The following TCF7L1 variants were observed in gnomAD, a reference collection of about 807,000 sequenced individuals.
TCF7L1 encodes transcription factor 7 like 1.
Under a neutral mutation model 63.7 loss-of-function variants are expected in TCF7L1, and 18 were observed. The observed-to-expected ratio is 0.28, with a 90% CI of 0.20 to 0.42. The LOEUF (loss-of-function observed/expected upper bound fraction) is 0.42, where lower values mean the gene tolerates loss of function less well. Among genes scored for constraint, TCF7L1 ranks in the 10% least tolerant of loss-of-function variants. The pLI, the probability that TCF7L1 is intolerant of heterozygous loss-of-function variation, is 1.00. For missense variants in TCF7L1, 654 were observed against 779.3 expected (o/e 0.84, Z 1.91); for synonymous variants, 355 against 340.9 (o/e 1.04, Z -0.46).
At chr2:85,168,371 C>CA (rs1678469059) in intron 3 of TCF7L1, among the ~76,000 whole-genome samples, 1 of 151,972 alleles carries the variant, frequency 6.6e-6, no homozygotes, top group African/African-American at 2.4e-5. Flanking sequence ...CATACCTCAA[C>CA]AAAATTGTAA....
intron 3 of TCF7L1, among the ~76,000 whole-genome samples, chr2:85,243,407 C>T (rs576362839): frequency 7.9e-5 from 12 of 152,206 alleles, no homozygotes; most frequent in African/African-American, 2.9e-4. Flanking sequence ...CTGTTTTGTC[C>T]CTTACTCGTG....
chr2:85,202,593 T>C (rs960775766), intron 3 of TCF7L1, among the ~76,000 whole-genome samples: 2 of 152,256 alleles, frequency 1.3e-5, no homozygotes, highest in Admixed American at 1.3e-4. Flanking sequence ...TAGAGGTCTT[T>C]GATCAATTCT....
chr2:85,133,704 GGGGC>G lies in TCF7L1; in HGVS notation c.23_26del (p.Gly8AlafsTer30). On this transcript the variant is annotated frameshift_variant, in exon 1 of 12. Coordinates refer to ENST00000282111, the MANE Select transcript of TCF7L1 (RefSeq NM_031283.3). LOFTEE classifies it high-confidence loss of function. This position sits in a 1 kb window ranked among gnomAD's most constrained non-coding sequence, Gnocchi z 4.4. The stretch of plus-strand genomic sequence containing the variant: ...CCCACCATGCCCCAGCTCGGCGGCG[GGGGC>G]GGCGGCGGCGGCGGCGGCAGCGGGG... The G allele has an allele frequency of 1.9e-6, 2 of 1,036,806 alleles. No individual in the cohort carries two copies. The highest frequency in any genetic ancestry group is 2.3e-6 in the Non-Finnish European group (2 of 872,004). 64.2% of individuals were successfully genotyped at this position (1,036,806 alleles called of 1,614,324 possible).
intron 3 of TCF7L1, among the ~76,000 whole-genome samples, chr2:85,180,987 G>C (rs1439885055): frequency 6.6e-6 from 1 of 152,202 alleles, no homozygotes; most frequent in Non-Finnish European, 1.5e-5. Flanking sequence ...ATCCAGAGTG[G>C]CTCTGCTGAC....
At chr2:85,141,803 C>T (rs1438487320) in intron 3 of TCF7L1, among the ~76,000 whole-genome samples, 1 of 152,130 alleles carries the variant, frequency 6.6e-6, no homozygotes, top group African/African-American at 2.4e-5. Flanking sequence ...GAGCCCAAGA[C>T]TTGAAGATGA....
intron 3 of TCF7L1, among the ~76,000 whole-genome samples, chr2:85,145,851 T>C (rs540828032): frequency 5.3e-4 from 81 of 152,220 alleles, no homozygotes; most frequent in Non-Finnish European, 1.0e-3. Flanking sequence ...ATGTTTTTAT[T>C]TTATTTTATT....
At chr2:85,307,551 C>A in intron 10 of TCF7L1, 91 bp from the exon 11 acceptor site, 2 of 1,100,456 alleles carry the variant, frequency 1.8e-6, no homozygotes, top group Non-Finnish European at 2.8e-6. Context: ...CAGTAAAGGG[C>A]AACGTCCTGT....
chr2:85,209,322 G>A (rs1679490573), intron 3 of TCF7L1, among the ~76,000 whole-genome samples: 1 of 152,340 alleles, frequency 6.6e-6, no homozygotes, highest in South Asian at 2.1e-4. Flanking sequence ...TTATATGTGA[G>A]GTGGTGGCAC....
intron 3 of TCF7L1, among the ~76,000 whole-genome samples, chr2:85,143,272 T>C (rs1677789360): frequency 6.6e-6 from 1 of 152,214 alleles, no homozygotes; most frequent in African/African-American, 2.4e-5. Context: ...CAACTATAAA[T>C]GGCTGCAAAT....
intron 4 of TCF7L1, among the ~76,000 whole-genome samples, chr2:85,295,716 C>A (rs1187885684): frequency 6.7e-6 from 1 of 148,604 alleles, no homozygotes; most frequent in Non-Finnish European, 1.5e-5. Flanking sequence ...TATCTAAGAA[C>A]AAAGGCATTC....
chr2:85,190,544 A>G (rs1189806486), intron 3 of TCF7L1, among the ~76,000 whole-genome samples: 1 of 152,180 alleles, frequency 6.6e-6, no homozygotes, highest in African/African-American at 2.4e-5. Flanking sequence ...CACTTACCAT[A>G]TGGCAGCCAA....
intron 3 of TCF7L1, among the ~76,000 whole-genome samples, chr2:85,152,272 T>G (rs1293688288): frequency 6.6e-6 from 1 of 152,210 alleles, no homozygotes; most frequent in African/African-American, 2.4e-5. Flanking sequence ...GACCACTGTC[T>G]GAACCCTAGG....
At chr2:85,145,614 C>T (rs900545648) in intron 3 of TCF7L1, among the ~76,000 whole-genome samples, 4 of 152,204 alleles carry the variant, frequency 2.6e-5, no homozygotes, top group Non-Finnish European at 4.4e-5. Context: ...AAGGACCCTG[C>T]GGGAGTGTCC....
At chr2:85,176,708 C>G (rs375993734) in intron 3 of TCF7L1, among the ~76,000 whole-genome samples, 3 of 152,134 alleles carry the variant, frequency 2.0e-5, no homozygotes, top group South Asian at 4.1e-4. Flanking sequence ...AAGTGCTGGC[C>G]AGGCACAGTG....
chr2:85,224,403 C>T (rs1056092976), intron 3 of TCF7L1, among the ~76,000 whole-genome samples: 5 of 152,216 alleles, frequency 3.3e-5, no homozygotes, highest in African/African-American at 7.2e-5. Flanking sequence ...ACACTCCCAC[C>T]AACAATGTAA....
intron 4 of TCF7L1, among the ~76,000 whole-genome samples, chr2:85,294,026 ATTTT>A (rs774050758): frequency 0.035 from 2,058 of 59,504 alleles, 77 homozygotes; most frequent in African/African-American, 0.11. Context: ...GAACACTGGG[ATTTT>A]TTTTTTTTTT....
intron 3 of TCF7L1, among the ~76,000 whole-genome samples, chr2:85,238,215 C>T (rs1196248869): frequency 6.6e-6 from 1 of 152,220 alleles, no homozygotes; most frequent in African/African-American, 2.4e-5. Flanking sequence ...GGCCAGCACA[C>T]AGACGACTCC....
intron 3 of TCF7L1, among the ~76,000 whole-genome samples, chr2:85,169,049 T>G (rs1678488160): frequency 6.6e-6 from 1 of 152,168 alleles, no homozygotes; most frequent in Non-Finnish European, 1.5e-5. Context: ...TAGTGTCAGT[T>G]TCATCTTCCA....
intron 3 of TCF7L1, among the ~76,000 whole-genome samples, chr2:85,200,548 A>G (rs768832401): frequency 1.3e-5 from 2 of 152,182 alleles, no homozygotes; most frequent in Non-Finnish European, 1.5e-5. Flanking sequence ...ATGACAGGCA[A>G]CTACACAGCT....
Sources: gnomAD v4.1 joint callset for allele counts (sites outside exome capture counted in the v4.1 genomes callset) on GRCh38, gnomAD v4.1.1 for gene constraint, Gnocchi (gnomAD v3.1) non-coding constraint, MANE v1.5 for transcripts, NCBI Gene and HGNC (gene_info 2026-07-23, HGNC 2026-07-21) for gene names.